The following GBP3 variants were observed in gnomAD, a reference collection of about 807,000 sequenced individuals.
GBP3 encodes the protein guanylate-binding protein 3.
In GBP3, 55 loss-of-function variants were observed where a neutral mutation model predicts 62.4. The observed-to-expected ratio is 0.88, with a 90% CI of 0.71 to 1.10. The LOEUF (loss-of-function observed/expected upper bound fraction) is 1.10. Among genes scored for constraint, GBP3 ranks in the 50% least tolerant of loss-of-function variants. The pLI is 0.00. For synonymous variants in GBP3, 208 were observed against 259.2 expected, an observed-to-expected ratio of 0.80 and a Z score of 1.90; for missense variants, 605 against 690.6, an observed-to-expected ratio of 0.88 and a Z score of 1.39.
Position 89,012,161 on chromosome 1 carries a change from G to A in GBP3, c.869-134C>T. On this transcript the variant is annotated intron_variant, in intron 6 of 10. Transcript: ENST00000370481. ...CCTCAGAATCATCTGGAAGCTTGCTGGAAATGCCTATTGTTAGCCTCTGTC... is the reference window on the plus strand; with the variant it reads ...CCTCAGAATCATCTGGAAGCTTGCTAGAAATGCCTATTGTTAGCCTCTGTC... 3.2e-6 allele frequency: 3 copies of A among 924,736 alleles called. 1 individual carries two copies. The highest frequency in any genetic ancestry group is 1.7e-5 in the South Asian group (1 of 58,254). 57.3% of individuals were successfully genotyped at this position (924,736 alleles called of 1,614,324 possible).
chr1:89,007,743 G>A lies in GBP3; in HGVS notation c.1769C>T (p.Ser590Leu), dbSNP rs1170352087. The A allele has an allele frequency of 6.8e-6, 11 of 1,611,876 alleles. No individual in the cohort carries two copies. Among genetic ancestry groups the A allele is most frequent in the East Asian group, 2.2e-5 (1 of 44,834 alleles). Residue 590 changes from serine (S) to leucine (L), a missense_variant, in exon 11 of 11, where the codon TCG becomes TTG. Ser to Leu is a moderately radical substitution (Grantham distance 145). This residue lies in a region of GBP3 where 160 missense variants were observed against 147.8 expected (regional missense o/e 1.08). Coordinates refer to ENST00000370481, the MANE Select transcript of GBP3 (RefSeq NM_018284.3). ...TGTTGTTTAGATCTTTAGCTTATGC[G>A]ACATATATCTCTTGGTTTTTTTTTT... ...TLKKKTKRYM[S>L]HKLKI is the part of the protein sequence containing the mutation.
Position 89,009,133 on chromosome 1 carries a change from A to G in GBP3, c.1473T>C (p.Cys491=), listed in dbSNP as rs369497629. 8.1e-6 allele frequency: 13 copies of G among 1,613,706 alleles called. No individual in the cohort carries two copies. The highest frequency in any genetic ancestry group is 1.0e-5 in the Non-Finnish European group (12 of 1,179,882). The change falls in exon 10 of 11, where the codon TGT becomes TGC. Residue 491 remains cysteine (C), a synonymous_variant. Coordinates refer to ENST00000370481, the MANE Select transcript of GBP3 (RefSeq NM_018284.3). ...TEKEKEIEVE[C]VKAESAQASA... ...AAGCCTGTGCAGATTCAGCTTTTAC[A>G]CATTCCACTGTGGAGGAAGAAGAAA...
rs1678552332 is a variant in GBP3 at position 89,011,219 on chromosome 1, C to T, written c.1150-103G>A. The T allele has an allele frequency of 7.4e-6, 10 of 1,346,512 alleles. 1 individual carries two copies. The highest frequency in any genetic ancestry group is 1.4e-5 in the African/African-American group (1 of 72,426). 83.4% of individuals were successfully genotyped at this position (1,346,512 alleles called of 1,614,324 possible). A position where few individuals can be genotyped will look rare whatever the true frequency, so the allele number is the denominator to read the frequency against. The stretch of plus-strand genomic sequence containing the variant: ...TCCGAAAATAAACAGTCAATGATGC[C>T]GGAGAAACTGACAGACTCCTCAGCA... On this transcript the variant is annotated intron_variant, in intron 7 of 10. Transcript: ENST00000370481.
Position 89,014,106 on chromosome 1 carries a change from T to A in GBP3, c.602A>T (p.Glu201Val). ...ACCTTGCGTTAGCTTCAGGGAATAC[T>A]CCAGGTACTCATCTGGTGTGAGGGG... is the stretch of plus-strand genomic sequence containing the variant. The part of the protein sequence containing the change: ...GQPLTPDEYL[E>V]YSLKLTQGTS... The change falls in exon 5 of 11, where the codon GAG becomes GTG. Residue 201 changes from glutamate to valine, a missense_variant. This residue lies in a region of GBP3 where 308 missense variants were observed against 318.0 expected (regional missense o/e 0.97). Transcript: ENST00000370481. 2 of 1,614,204 alleles carry A rather than the reference T, an allele frequency of 1.2e-6. No homozygotes were observed. The highest frequency in any genetic ancestry group is 1.7e-6 in the Non-Finnish European group (2 of 1,180,008).
intron 8 of GBP3, among the ~76,000 whole-genome samples, chr1:89,009,853 G>T (rs1265343402): frequency 6.6e-6 from 1 of 152,194 alleles, no homozygotes; most frequent in Admixed American, 6.5e-5. Context: ...GAGGAAGAGA[G>T]GGAGAGAACT....
At chr1:89,016,132 G>A (rs1678875893) in intron 2 of GBP3, among the ~76,000 whole-genome samples, 2 of 152,202 alleles carry the variant, frequency 1.3e-5, no homozygotes, top group African/African-American at 2.4e-5. Flanking sequence ...TGTTGCATTT[G>A]TATACAGTAG....
In GBP3 at chr1:89,006,931, A is replaced by C. The variant is rs1678247802; in HGVS notation, c.*793T>G. ...CTAACTTATGCTTTAGGATTAAAAC[A>C]ATCAAATAATTAAATTAGTTCAATT... On this transcript the variant is annotated 3_prime_UTR_variant, in exon 11 of 11. Transcript: ENST00000370481. 1 of 152,260 alleles carries C rather than the reference A, an allele frequency of 6.6e-6. No homozygotes were observed. Among genetic ancestry groups the C allele is most frequent in the African/African-American group, 2.4e-5 (1 of 41,478 alleles). 9.4% of individuals were successfully genotyped at this position (152,260 alleles called of 1,614,324 possible).
rs201419296 is a variant in GBP3 at position 89,009,374 on chromosome 1, C to T, written c.1465+18G>A. On this transcript the variant is annotated intron_variant, in intron 9 of 10. Coordinates refer to ENST00000370481, the MANE Select transcript of GBP3 (RefSeq NM_018284.3). Reference sequence around the variant, plus strand: ...TGAAAAGCTTTAGGATAATCTGATCCTTTGACTTGCTCCTCACCTTCAATC... The same window carrying T: ...TGAAAAGCTTTAGGATAATCTGATCTTTTGACTTGCTCCTCACCTTCAATC... The T allele has an allele frequency of 1.9e-3, 3,004 of 1,610,782 alleles. 4 individuals carry two copies. The highest frequency in any genetic ancestry group is 2.5e-3 in the Middle Eastern group (15 of 6,050).
At chr1:89,014,757 T>C (rs1678792835) in intron 3 of GBP3, 101 bp from the exon 4 acceptor site, 1 of 1,432,732 alleles carries the variant, frequency 7.0e-7, no homozygotes, top group East Asian at 2.3e-5. Context: ...AGTTTTCTTT[T>C]AAGACTAATG....
rs1557728557 is a variant in GBP3, at chr1:89,014,287, GCTAA to G, written c.429-12_429-9del. ...GTCAGCTCTGTCACATAGCTGAGTA[GCTAA>G]CTAAGGAAATGTGACAAAATGAACA... is the stretch of plus-strand genomic sequence containing the variant. On this transcript the variant is annotated splice_polypyrimidine_tract_variant and intron_variant, in intron 4 of 10. Coordinates refer to ENST00000370481, the MANE Select transcript of GBP3 (RefSeq NM_018284.3). 2 of 1,614,068 alleles carry G rather than the reference GCTAA, an allele frequency of 1.2e-6. No individual in the cohort carries two copies. The highest frequency in any genetic ancestry group is 1.7e-6 in the Non-Finnish European group (2 of 1,179,924).
At position 89,013,357 on chromosome 1, in the gene GBP3, T is replaced by G. The variant is rs773453860; in HGVS notation, c.696A>C (p.Lys232Asn). Residue 232 changes from lysine to asparagine, a missense_variant, in exon 6 of 11, where the codon AAA (lysine) becomes AAC (asparagine). By Grantham distance (94) the Lys-to-Asn change is moderately conservative. Around this residue, in one of 3 missense-constraint regions of GBP3, gnomAD observed 308 missense variants for 318.0 expected, o/e 0.97. Coordinates refer to ENST00000370481, the MANE Select transcript of GBP3 (RefSeq NM_018284.3). ...GAATGGGCAGATCGAAGACAAAACA[T>G]TTTTTCTTTGGGAAGAACTTCCGGA... is the stretch of plus-strand genomic sequence containing the variant. ...LCIRKFFPKK[K>N]CFVFDLPIHR... 1 of 1,614,170 alleles carries G rather than the reference T, an allele frequency of 6.2e-7. No homozygotes were observed. Among genetic ancestry groups the G allele is most frequent in the Admixed American group, 1.7e-5 (1 of 60,020 alleles).
At position 89,014,236 on chromosome 1, in the gene GBP3, G is replaced by A; in HGVS notation, c.472C>T (p.Pro158Ser). Residue 158 changes from proline to serine, a missense_variant, in exon 5 of 11, where the codon CCT (proline) becomes TCT (serine). Pro to Ser is a moderately conservative substitution (Grantham distance 74). Transcript: ENST00000370481. The part of the protein sequence containing the change: ...LTHRIRSKSS[P>S]DENENEDSAD... ...GAATCCTCATTCTCATTCTCATCAG[G>A]TGAGGATTTTGATCGGATTCGATGT... is the stretch of plus-strand genomic sequence containing the variant. 5 of 1,614,148 alleles carry A rather than the reference G, an allele frequency of 3.1e-6. No homozygotes were observed. Among genetic ancestry groups the A allele is most frequent in the Non-Finnish European group, 4.2e-6 (5 of 1,180,020 alleles).
intron 6 of GBP3, 95 bp downstream of exon 6, chr1:89,013,090 G>A (rs781083874): frequency 6.2e-5 from 86 of 1,377,906 alleles, no homozygotes; most frequent in East Asian, 3.9e-4. Flanking sequence ...TGCCCTCCTC[G>A]GCCTCCCAAA....
In GBP3 at chr1:89,013,255, G is replaced by A. The variant is rs1376678922; in HGVS notation, c.798C>T (p.Asp266=). 3.7e-6 allele frequency: 6 copies of A among 1,614,198 alleles called. No individual in the cohort carries two copies. Among genetic ancestry groups the A allele is most frequent in the Non-Finnish European group, 5.1e-6 (6 of 1,180,020 alleles). ...AATTGCTAAAGATGTAGGAACAGAA[G>A]TCTGCTACTTGTTGCACAAATTCAG... ...LDPEFVQQVA[D]FCSYIFSNSK... The change falls in exon 6 of 11, where the codon GAC becomes GAT. Residue 266 remains aspartate (D), a synonymous_variant. Transcript: ENST00000370481.
chr1:89,009,380 C>T lies in GBP3; in HGVS notation c.1465+12G>A. 2 of 1,612,376 alleles carry T rather than the reference C, an allele frequency of 1.2e-6. No individual in the cohort carries two copies. The highest frequency in any genetic ancestry group is 8.5e-7 in the Non-Finnish European group (1 of 1,178,486). ...GCTTTAGGATAATCTGATCCTTTGACTTGCTCCTCACCTTCAATCTCCTTT... is the reference window on the plus strand; with the variant it reads ...GCTTTAGGATAATCTGATCCTTTGATTTGCTCCTCACCTTCAATCTCCTTT... On this transcript the variant is annotated intron_variant, in intron 9 of 10. Transcript: ENST00000370481.
At chr1:89,009,355 G>T (rs1557723133) in intron 9 of GBP3, 37 bp downstream of exon 9, 3 of 1,596,338 alleles carry the variant, frequency 1.9e-6, no homozygotes, top group Non-Finnish European at 2.6e-6. Flanking sequence ...AATTTGAAAA[G>T]CTTTAGGATA....
Position 89,011,234 on chromosome 1 carries a change from A to C in GBP3, c.1150-118T>G, listed in dbSNP as rs189032602. On this transcript the variant is annotated intron_variant, in intron 7 of 10. Coordinates refer to ENST00000370481, the MANE Select transcript of GBP3 (RefSeq NM_018284.3). ...TCAATGATGCCGGAGAAACTGACAG[A>C]CTCCTCAGCAGGACCACGCTCTTAC... 5.5e-6 allele frequency: 7 copies of C among 1,267,200 alleles called. 1 individual carries two copies. Among genetic ancestry groups the C allele is most frequent in the Non-Finnish European group, 6.7e-6 (6 of 901,334 alleles). 78.5% of individuals were successfully genotyped at this position (1,267,200 alleles called of 1,614,324 possible).
In GBP3 at chr1:89,016,213, T is replaced by G. The variant is rs1230388739; in HGVS notation, c.191-799A>C. 2.0e-5 allele frequency among the ~76,000 whole-genome samples: 3 copies of G among 152,214 alleles called. No individual in the cohort carries two copies. The East Asian group carries it at 5.8e-4, about 29-fold the overall frequency. ...CATACCACCAAAAGGGCAAACTACT[T>G]CAGAATAAAATTGGCCAGGCACAGT... On this transcript the variant is annotated intron_variant, in intron 2 of 10. Transcript: ENST00000370481.
Position 89,015,308 on chromosome 1 carries a change from C to T in GBP3, c.297G>A (p.Glu99=), listed in dbSNP as rs778921877. 11 of 1,611,462 alleles carry T rather than the reference C, an allele frequency of 6.8e-6. No individual in the cohort carries two copies. The South Asian group carries it at 1.2e-4, about 18-fold the overall frequency. Residue 99 remains glutamate (E), a synonymous_variant, in exon 3 of 11, where the codon GAG becomes GAA. Transcript: ENST00000370481. ...TTACCTTCTTTACATCTCCCAGGCC[C>T]TCAGTGTCAAGCAGGACTAAGGTGT... ...PEHTLVLLDT[E]GLGDVKKGDN...
Sources: allele counts gnomAD v4.1 joint callset (sites outside exome capture counted in the v4.1 genomes callset), GRCh38; gene constraint gnomAD v4.1.1; regional missense constraint gnomAD v4.1.1; transcripts MANE v1.5; gene names NCBI Gene and HGNC (gene_info 2026-07-23, HGNC 2026-07-21).